Variants in AHNAK observed in about 807,000 individuals in gnomAD.
AHNAK encodes the protein AHNAK nucleoprotein.
In AHNAK, 23 loss-of-function variants were observed where a neutral mutation model predicts 37.8. The observed-to-expected ratio is 0.61, with a 90% CI of 0.44 to 0.86. The LOEUF (loss-of-function observed/expected upper bound fraction) is 0.86. Ranked by LOEUF, AHNAK falls within the 40% of genes least tolerant of loss-of-function variation. The probability of loss-of-function intolerance (pLI) is 0.00; values close to 1 mark genes in which losing one functional copy is unlikely to be tolerated. For missense variants in AHNAK, 7,411 were observed against 7,319.4 expected (o/e 1.01, Z -0.46); for synonymous variants, 2,481 against 2,636.3 (o/e 0.94, Z 1.80).
intron 4 of AHNAK, among the ~76,000 whole-genome samples, chr11:62,509,744 C>A (rs1939875883): frequency 6.6e-6 from 1 of 152,014 alleles, no homozygotes; most frequent in Non-Finnish European, 1.5e-5. Context: ...TGGCGAAACC[C>A]CGTCTCTACT....
At chr11:62,472,615 GC>G (rs1350827050) in intron 5 of AHNAK, among the ~76,000 whole-genome samples, 2 of 152,030 alleles carry the variant, frequency 1.3e-5, no homozygotes, top group Non-Finnish European at 2.9e-5. Flanking sequence ...GGACAGCACA[GC>G]CCCCACCCCC....
chr11:62,491,436 G>T lies in AHNAK; in HGVS notation c.442+296C>A, dbSNP rs147750642. 5.9e-3 allele frequency among the ~76,000 whole-genome samples: 906 copies of T among 152,294 alleles called. 4 individuals are homozygous for T. Among genetic ancestry groups the T allele is most frequent in the African/African-American group, 0.021 (861 of 41,558 alleles). On this transcript the variant is annotated intron_variant, in intron 5 of 5. Transcript: ENST00000257247. ...GGGTTTAATAGGTACTGTCTTAAAA[G>T]AATGTGGATATTCCACGGCAGCCCT...
Position 62,517,757 on chromosome 11 carries a change from C to T in AHNAK, c.16660G>A (p.Glu5554Lys). ...KGPAFNMASP[E>K]SDFGINLKGP... The stretch of plus-strand genomic sequence containing the variant: ...TTCAAGTTGATGCCAAAATCTGACT[C>T]AGGAGATGCCATATTAAAGGCAGGC... The change falls in exon 5 of 5, where the codon GAG becomes AAG. Residue 5554 changes from glutamate to lysine, a missense_variant. Physicochemically the swap from Glu to Lys is moderately conservative, Grantham distance 56. Coordinates refer to ENST00000378024, the MANE Select transcript of AHNAK (RefSeq NM_001620.3). The T allele has an allele frequency of 6.2e-7, 1 of 1,614,224 alleles. No homozygotes were observed. The highest frequency in any genetic ancestry group is 8.5e-7 in the Non-Finnish European group (1 of 1,180,036).
chr11:62,444,174 G>A (rs920682692), intron 5 of AHNAK, among the ~76,000 whole-genome samples: 12 of 152,192 alleles, frequency 7.9e-5, no homozygotes, highest in Admixed American at 1.3e-4. Flanking sequence ...CACAAAAGGC[G>A]TTCTTCTTTG....
Position 62,479,707 on chromosome 11 carries a change from G to C in AHNAK, c.442+12025C>G, listed in dbSNP as rs116747844. 5.2e-3 allele frequency among the ~76,000 whole-genome samples: 789 copies of C among 152,118 alleles called. 6 individuals are homozygous for C. The highest frequency in any genetic ancestry group is 0.018 in the African/African-American group (749 of 41,514). The stretch of plus-strand genomic sequence containing the variant: ...CAGGTCTCCATCTCCCCAACCAAAT[G>C]CCTTCCATTCCCTTCTTCCACGACG... On this transcript the variant is annotated intron_variant, in intron 5 of 5. Transcript: ENST00000257247.
intron 5 of AHNAK, among the ~76,000 whole-genome samples, chr11:62,437,234 T>C (rs1472741857): frequency 2.0e-5 from 3 of 152,234 alleles, no homozygotes; most frequent in Non-Finnish European, 4.4e-5. Flanking sequence ...TATGAATAGA[T>C]CACCAATTTA....
chr11:62,449,052 A>G (rs1036393195), intron 5 of AHNAK, among the ~76,000 whole-genome samples: 1 of 152,054 alleles, frequency 6.6e-6, no homozygotes, highest in Non-Finnish European at 1.5e-5. Context: ...TGGGTGACAG[A>G]GCGAGACTCT....
chr11:62,448,193 C>A (rs955633416), intron 5 of AHNAK, among the ~76,000 whole-genome samples: 2 of 152,124 alleles, frequency 1.3e-5, no homozygotes, highest in Non-Finnish European at 2.9e-5. Context: ...GGAGAGGGGA[C>A]ATCAGGTGAA....
Position 62,521,824 on chromosome 11 carries a change from A to C in AHNAK, c.12593T>G (p.Met4198Arg). Residue 4198 changes from methionine to arginine, a missense_variant, in exon 5 of 5, where the codon ATG (methionine) becomes AGG (arginine). Physicochemically the swap from Met to Arg is moderately conservative, Grantham distance 91. Transcript: ENST00000378024. Reference protein sequence around the residue: ...MPKVKMPKFSMPGFKGEGPDV... With the variant: ...MPKVKMPKFSRPGFKGEGPDV... ...TGGGCCCTCTCCTTTGAAGCCAGGC[A>C]TGCTGAACTTGGGCATTTTCACTTT... The C allele has an allele frequency of 6.2e-7, 1 of 1,613,434 alleles. No homozygotes were observed. The highest frequency in any genetic ancestry group is 8.5e-7 in the Non-Finnish European group (1 of 1,179,892).
chr11:62,527,231 T>G lies in AHNAK; in HGVS notation c.7186A>C (p.Lys2396Gln). The stretch of plus-strand genomic sequence containing the variant: ...ACCTCTCCTTTTGCCTTGGGGCTCT[T>G]CAAGTGTAGATCGAGGTCTGGCATA... ...ISMPDLDLHL[K>Q]SPKAKGEVDV... Residue 2396 changes from lysine (K) to glutamine (Q), a missense_variant, in exon 5 of 5, where the codon AAG becomes CAG. By Grantham distance (53) the Lys-to-Gln change is moderately conservative (BLOSUM62 1). Coordinates refer to ENST00000378024, the MANE Select transcript of AHNAK (RefSeq NM_001620.3). 1 of 1,613,532 alleles carries G rather than the reference T, an allele frequency of 6.2e-7. No homozygotes were observed.
rs530619642 is a variant in AHNAK at position 62,443,275 on chromosome 11, C to CTTTTTTTTTTTT, written c.443-9396_443-9385dup. On this transcript the variant is annotated intron_variant, in intron 5 of 5. Transcript: ENST00000257247. ...ACAGGTGTGAGCCACTGCACCCGGC[C>CTTTTTTTTTTTT]TTTTTTTTTTTTTTGAGACAGAGTT... Among the ~76,000 whole-genome samples the CTTTTTTTTTTTT allele has an allele frequency of 1.3e-3, 127 of 99,738 alleles. 6 individuals are homozygous for CTTTTTTTTTTTT. The highest frequency in any genetic ancestry group is 1.8e-3 in the Non-Finnish European group (92 of 51,940). 65.4% of individuals were successfully genotyped at this position (99,738 alleles called of 152,430 possible).
intron 5 of AHNAK, among the ~76,000 whole-genome samples, chr11:62,442,629 G>A (rs1357773378): frequency 6.6e-6 from 1 of 152,094 alleles, no homozygotes; most frequent in Non-Finnish European, 1.5e-5. Context: ...CCAGCACTTT[G>A]AGAGGCCAAG....
At chr11:62,457,833 A>G (rs572414671) in intron 5 of AHNAK, among the ~76,000 whole-genome samples, 43 of 151,998 alleles carry the variant, frequency 2.8e-4, no homozygotes, top group African/African-American at 1.0e-3. Flanking sequence ...TGGTGGTACT[A>G]TGCTCACCAC....
At chr11:62,498,274 G>A (rs1472786479) in intron 4 of AHNAK, among the ~76,000 whole-genome samples, 1 of 152,084 alleles carries the variant, frequency 6.6e-6, no homozygotes, top group Non-Finnish European at 1.5e-5. Context: ...AAAGTCTACA[G>A]GGCACATGCC....
chr11:62,497,748 G>A (rs561950734), intron 4 of AHNAK, among the ~76,000 whole-genome samples: 1 of 152,222 alleles, frequency 6.6e-6, no homozygotes, highest in Admixed American at 6.5e-5. Flanking sequence ...ATAACCTGAG[G>A]TGAGGAGTTC....
At chr11:62,458,420 C>G (rs3017090) in intron 5 of AHNAK, among the ~76,000 whole-genome samples, 6 of 151,838 alleles carry the variant, frequency 4.0e-5, no homozygotes, top group African/African-American at 1.5e-4. Context: ...GAGTGCACCA[C>G]GGTTCTGAGA....
chr11:62,465,296 C>T (rs529302796), intron 5 of AHNAK, among the ~76,000 whole-genome samples: 3 of 152,130 alleles, frequency 2.0e-5, no homozygotes, highest in Non-Finnish European at 4.4e-5. Context: ...TTTGGAAACA[C>T]GGTCTTTGCA....
chr11:62,457,908 ATTT>A (rs373610508), intron 5 of AHNAK, among the ~76,000 whole-genome samples: 12 of 123,500 alleles, frequency 9.7e-5, no homozygotes, highest in African/African-American at 2.5e-4. Flanking sequence ...GAGAAGCTGA[ATTT>A]TTTTTTTTTT....
At chr11:62,514,115 T>C (rs1359641973), downstream of AHNAK, among the ~76,000 whole-genome samples, 2 of 152,142 alleles carry the variant, frequency 1.3e-5, no homozygotes, top group Non-Finnish European at 2.9e-5. Flanking sequence ...ATTGATATAT[T>C]ATTGGACAGC....
Sources: allele counts gnomAD v4.1 joint callset (sites outside exome capture counted in the v4.1 genomes callset), GRCh38; gene constraint gnomAD v4.1.1; transcripts MANE v1.5; gene names NCBI Gene and HGNC (gene_info 2026-07-23, HGNC 2026-07-21).